Variants in SLC15A5 observed in about 807,000 individuals in gnomAD.
The protein encoded by SLC15A5 is solute carrier family 15 member 5.
In SLC15A5, 58 loss-of-function variants were observed where a neutral mutation model predicts 56.1. The observed-to-expected ratio is 1.03, with a 90% confidence interval of 0.84 to 1.29. The LOEUF is 1.29. Ranked by LOEUF, SLC15A5 falls within the 50% of genes most tolerant of loss-of-function variation. The pLI, the probability that SLC15A5 is intolerant of heterozygous loss-of-function variation, is 0.00. For synonymous variants in SLC15A5, 264 were observed against 250.5 expected (o/e 1.05, Z -0.51); for missense variants, 681 against 672.1 (o/e 1.01, Z -0.15).
In SLC15A5 at chr12:16,266,214, A is replaced by G. The variant is rs572426016; in HGVS notation, c.584+6347T>C. On this transcript the variant is annotated intron_variant, in intron 2 of 8. Transcript: ENST00000344941. Reference sequence around the variant, plus strand: ...GTCCTTTCTTGCTGCTGCAAGCTGTACACTTGACTTGTGGCTGTAGCAACA... The same window carrying G: ...GTCCTTTCTTGCTGCTGCAAGCTGTGCACTTGACTTGTGGCTGTAGCAACA... Among the ~76,000 whole-genome samples, 367 of 152,340 alleles carry G rather than the reference A, an allele frequency of 2.4e-3. 2 individuals carry two copies. The highest frequency in any genetic ancestry group is 4.2e-3 in the Non-Finnish European group (288 of 68,028).
chr12:16,250,806 A>G (rs1050190613), intron 3 of SLC15A5, among the ~76,000 whole-genome samples: 1 of 152,020 alleles, frequency 6.6e-6, no homozygotes, highest in African/African-American at 2.4e-5. Context: ...ATTCTTTTAT[A>G]ACCTGAAAGT....
In SLC15A5 at chr12:16,235,460, A is replaced by T. The variant is rs183753315; in HGVS notation, c.1162+4221T>A. ...GTAGTCATTTACATAGAGATAAAATATGCAAATGTATCTCTATAAGGCATC... is the reference window on the plus strand; with the variant it reads ...GTAGTCATTTACATAGAGATAAAATTTGCAAATGTATCTCTATAAGGCATC... On this transcript the variant is annotated intron_variant, in intron 5 of 8. Transcript: ENST00000344941. The surrounding 1 kb of genome is among the most constrained non-coding windows in gnomAD (Gnocchi z 4.1). 6.6e-6 allele frequency among the ~76,000 whole-genome samples: 1 copy of T among 152,122 alleles called. No individual in the cohort carries two copies. The highest frequency in any genetic ancestry group is 1.9e-4 in the East Asian group (1 of 5,174).
chr12:16,190,417 A>G (rs983519067), intron 8 of SLC15A5, among the ~76,000 whole-genome samples: 2 of 152,166 alleles, frequency 1.3e-5, no homozygotes, highest in African/African-American at 4.8e-5. Context: ...ATTTGGAACC[A>G]GAACTTGATT....
intron 3 of SLC15A5, 64 bp from the exon 4 acceptor site, chr12:16,244,864 G>A: frequency 6.9e-7 from 1 of 1,450,380 alleles, no homozygotes; most frequent in Non-Finnish European, 9.3e-7. Flanking sequence ...TCAAGATGCT[G>A]ATCAGAAAGA....
intron 7 of SLC15A5, among the ~76,000 whole-genome samples, chr12:16,200,829 CA>C (rs1280919761): frequency 2.0e-5 from 3 of 151,650 alleles, no homozygotes; most frequent in South Asian, 2.1e-4. Context: ...ACATTCAAGA[CA>C]AAAAAATTAG....
intron 6 of SLC15A5, among the ~76,000 whole-genome samples, chr12:16,219,388 A>G (rs946138000): frequency 6.6e-6 from 1 of 152,216 alleles, no homozygotes; most frequent in Non-Finnish European, 1.5e-5. Context: ...TCACAGTTAT[A>G]AAAAGGATTT....
intron 5 of SLC15A5, among the ~76,000 whole-genome samples, chr12:16,230,421 T>C (rs561228782): frequency 1.3e-5 from 2 of 152,184 alleles, no homozygotes; most frequent in African/African-American, 4.8e-5. Context: ...CTTTTTTTTG[T>C]CCTAATAGTG....
chr12:16,248,767 C>A lies in SLC15A5; in HGVS notation c.755-3967G>T, dbSNP rs554508435. Among the ~76,000 whole-genome samples, 11 of 152,082 alleles carry A rather than the reference C, an allele frequency of 7.2e-5. No individual in the cohort carries two copies. In the South Asian group the frequency reaches 2.1e-3, roughly 29 times the overall value. On this transcript the variant is annotated intron_variant, in intron 3 of 8. Coordinates refer to ENST00000344941, the MANE Select transcript of SLC15A5 (RefSeq NM_001170798.1). ...ATGTAGGCTCAGCCTTTAAAAAAGTCCATTATCATTACAGTTCTCAAATTG... is the reference window on the plus strand; with the variant it reads ...ATGTAGGCTCAGCCTTTAAAAAAGTACATTATCATTACAGTTCTCAAATTG...
Position 16,254,748 on chromosome 12 carries a change from G to A in SLC15A5, c.754+2953C>T, listed in dbSNP as rs563863869. ...TTATGTTAAGTGAAATAAGCCAAGAGAAAGTTAAACATTGCATGTTCTCAT... is the reference window on the plus strand; with the variant it reads ...TTATGTTAAGTGAAATAAGCCAAGAAAAAGTTAAACATTGCATGTTCTCAT... On this transcript the variant is annotated intron_variant, in intron 3 of 8. Transcript: ENST00000344941. Among the ~76,000 whole-genome samples, 6 of 152,248 alleles carry A rather than the reference G, an allele frequency of 3.9e-5. No individual in the cohort carries two copies. The South Asian group carries it at 1.2e-3, about 32-fold the overall frequency.
At chr12:16,262,110 G>A (rs1864648205) in intron 2 of SLC15A5, among the ~76,000 whole-genome samples, 1 of 152,188 alleles carries the variant, frequency 6.6e-6, no homozygotes, top group African/African-American at 2.4e-5. Flanking sequence ...AATCTGAACT[G>A]GGAGAACTGA....
In SLC15A5 at chr12:16,271,738, T is replaced by G. The variant is rs1864759933; in HGVS notation, c.584+823A>C. Among the ~76,000 whole-genome samples the G allele has an allele frequency of 3.3e-5, 5 of 152,148 alleles. No homozygotes were observed. The highest frequency in any genetic ancestry group is 3.3e-4 in the Admixed American group (5 of 15,264). ...GATAACAAAGAATAACAAAGAAGTT[T>G]TATACTAAATTCTTAACTACCCTCC... On this transcript the variant is annotated intron_variant, in intron 2 of 8. Transcript: ENST00000344941. The surrounding 1 kb of genome is among the most constrained non-coding windows in gnomAD (Gnocchi z 8.0).
chr12:16,239,260 G>T (rs1162752865), intron 5 of SLC15A5, among the ~76,000 whole-genome samples: 1 of 152,122 alleles, frequency 6.6e-6, no homozygotes, highest in Non-Finnish European at 1.5e-5. Flanking sequence ...ATAAAGTACT[G>T]TATTGAAGCT....
At chr12:16,250,427 T>G (rs1387362360) in intron 3 of SLC15A5, among the ~76,000 whole-genome samples, 1 of 152,018 alleles carries the variant, frequency 6.6e-6, no homozygotes, top group African/African-American at 2.4e-5. Flanking sequence ...CATTGGTGAA[T>G]GCGCTTCATT....
intron 6 of SLC15A5, among the ~76,000 whole-genome samples, chr12:16,220,775 T>G (rs1864178944): frequency 6.6e-6 from 1 of 152,102 alleles, no homozygotes; most frequent in Non-Finnish European, 1.5e-5. Flanking sequence ...TCTCCACTAC[T>G]CAACCACAGA....
chr12:16,228,300 A>C (rs1385892001), intron 5 of SLC15A5, among the ~76,000 whole-genome samples: 1 of 152,230 alleles, frequency 6.6e-6, no homozygotes, highest in Non-Finnish European at 1.5e-5. Context: ...AGAATATCTA[A>C]GCAGTGCCTT....
chr12:16,242,787 C>G (rs1199258686), intron 4 of SLC15A5, among the ~76,000 whole-genome samples: 1 of 152,150 alleles, frequency 6.6e-6, no homozygotes, highest in Admixed American at 6.5e-5. Context: ...AGGTAAGGAA[C>G]TGGTATTCTG....
chr12:16,233,996 G>A (rs187033018), intron 5 of SLC15A5, among the ~76,000 whole-genome samples: 122 of 152,172 alleles, frequency 8.0e-4, no homozygotes, highest in Non-Finnish European at 1.6e-3. Flanking sequence ...TGCTTGTGCT[G>A]TTATTCAAAA....
intron 3 of SLC15A5, among the ~76,000 whole-genome samples, chr12:16,245,117 T>A (rs190991334): frequency 9.8e-4 from 149 of 152,348 alleles, no homozygotes; most frequent in African/African-American, 3.5e-3. Flanking sequence ...AGTCTCTAAC[T>A]TTAATGCATT....
At chr12:16,272,340 A>G (rs775920415) in intron 2 of SLC15A5, among the ~76,000 whole-genome samples, 29 of 152,044 alleles carry the variant, frequency 1.9e-4, no homozygotes, top group Non-Finnish European at 3.2e-4. Flanking sequence ...TGGAGGATAA[A>G]TGTGTCCGCG....
Sources: gnomAD v4.1 joint callset for allele counts (sites outside exome capture counted in the v4.1 genomes callset) on GRCh38, gnomAD v4.1.1 for gene constraint, Gnocchi (gnomAD v3.1) non-coding constraint, MANE v1.5 for transcripts, NCBI Gene and HGNC (gene_info 2026-07-23, HGNC 2026-07-21) for gene names.